Variants in SH3RF2 observed in about 807,000 individuals in gnomAD.
The protein encoded by SH3RF2 is SH3 domain containing ring finger 2.
SH3RF2 carries 43 observed loss-of-function variants against 59.0 expected under a neutral mutation model. The observed-to-expected ratio is 0.73, with a 90% CI of 0.57 to 0.94. The LOEUF (loss-of-function observed/expected upper bound fraction) is 0.94. SH3RF2 is among the 40% of genes least tolerant of loss of function. The pLI is 0.00. For synonymous variants in SH3RF2, 391 were observed against 391.5 expected, an observed-to-expected ratio of 1.00 and a Z score of 0.01; for missense variants, 930 against 940.1, an observed-to-expected ratio of 0.99 and a Z score of 0.14.
chr5:146,073,990 GT>G (rs1276474550), intron 9 of SH3RF2, among the ~76,000 whole-genome samples: 1 of 149,354 alleles, frequency 6.7e-6, no homozygotes, highest in East Asian at 2.0e-4. Context: ...AGCTCAACCT[GT>G]CCCCTGTCCA....
intron 2 of SH3RF2, among the ~76,000 whole-genome samples, chr5:145,992,822 A>G (rs574053944): frequency 6.6e-6 from 1 of 152,302 alleles, no homozygotes; most frequent in Non-Finnish European, 1.5e-5. Context: ...ACAGAGCCAA[A>G]TCATATCATT....
intron 9 of SH3RF2, among the ~76,000 whole-genome samples, chr5:146,075,638 C>G (rs1311047761): frequency 6.6e-6 from 1 of 151,934 alleles, no homozygotes; most frequent in Non-Finnish European, 1.5e-5. Context: ...TGGCAAAACC[C>G]CATCTCTACT....
intron 8 of SH3RF2, among the ~76,000 whole-genome samples, chr5:146,057,985 T>G (rs1762743255): frequency 7.0e-6 from 1 of 143,164 alleles, no homozygotes. Context: ...TCTATCTATC[T>G]ATATATATAT....
intron 2 of SH3RF2, among the ~76,000 whole-genome samples, chr5:145,947,817 G>A (rs116353869): frequency 0.017 from 2,663 of 152,304 alleles, 39 homozygotes; most frequent in African/African-American, 0.042. Context: ...CTCCAAAAGT[G>A]AGAGAGACAG....
intron 5 of SH3RF2, among the ~76,000 whole-genome samples, chr5:146,045,956 G>C (rs571148226): frequency 6.6e-6 from 1 of 152,096 alleles, no homozygotes; most frequent in South Asian, 2.1e-4. Context: ...AATGTATGAG[G>C]GTTTCCATTT....
Position 146,036,652 on chromosome 5 carries a change from G to A in SH3RF2, c.1060-11120G>A, listed in dbSNP as rs555377491. Among the ~76,000 whole-genome samples, 67 of 152,272 alleles carry A rather than the reference G, an allele frequency of 4.4e-4. 1 individual carries two copies. The South Asian group carries it at 0.012, about 27-fold the overall frequency. On this transcript the variant is annotated intron_variant, in intron 5 of 9. Coordinates refer to ENST00000359120, the MANE Select transcript of SH3RF2 (RefSeq NM_152550.4). ...AGAGGTTGCAGTGAGCCGAGATCAC[G>A]TCACTGCACTCCAGTCTGGGTGACA...
intron 2 of SH3RF2, among the ~76,000 whole-genome samples, chr5:145,954,751 G>T (rs1198483370): frequency 6.6e-6 from 1 of 152,116 alleles, no homozygotes; most frequent in East Asian, 1.9e-4. Flanking sequence ...GGTTCTGCAG[G>T]CTGTCCAGGC....
chr5:145,980,133 C>T (rs762954602), intron 2 of SH3RF2, among the ~76,000 whole-genome samples: 27 of 152,164 alleles, frequency 1.8e-4, no homozygotes, highest in Non-Finnish European at 2.9e-4. Flanking sequence ...CCAGAAGACA[C>T]ATACATTTTC....
intron 5 of SH3RF2, among the ~76,000 whole-genome samples, chr5:146,040,032 A>G (rs1762069907): frequency 6.6e-6 from 1 of 152,240 alleles, no homozygotes; most frequent in African/African-American, 2.4e-5. Flanking sequence ...ACAAAACTAA[A>G]CAACATACTG....
At chr5:145,952,999 A>G (rs1210095092) in intron 2 of SH3RF2, among the ~76,000 whole-genome samples, 6 of 152,196 alleles carry the variant, frequency 3.9e-5, no homozygotes, top group Admixed American at 3.3e-4. Flanking sequence ...CTAGAATCTC[A>G]ATAGAAGGCA....
In SH3RF2 at chr5:146,056,035, G is replaced by T. The variant is rs756431695; in HGVS notation, c.1377G>T (p.Thr459=). ...GCCCTGGTCTCTACACCACATGGAC[G>T]TTATCCACCTCCTCTGTGTCCTCCC... ...SRSPGLYTTW[T]LSTSSVSSQG... Residue 459 remains threonine, a synonymous_variant, in exon 8 of 10, where the codon ACG becomes ACT. Coordinates refer to ENST00000359120, the MANE Select transcript of SH3RF2 (RefSeq NM_152550.4). 2 of 1,614,192 alleles carry T rather than the reference G, an allele frequency of 1.2e-6. No individual in the cohort carries two copies. The highest frequency in any genetic ancestry group is 1.1e-5 in the South Asian group (1 of 91,078).
intron 9 of SH3RF2, among the ~76,000 whole-genome samples, chr5:146,068,650 A>G (rs1370323128): frequency 6.6e-6 from 1 of 152,134 alleles, no homozygotes; most frequent in African/African-American, 2.4e-5. Context: ...AAATAGAGCA[A>G]TGTTAAATGA....
At chr5:146,059,302 C>T (rs569890691) in intron 8 of SH3RF2, among the ~76,000 whole-genome samples, 6 of 151,938 alleles carry the variant, frequency 3.9e-5, no homozygotes, top group African/African-American at 1.5e-4. Context: ...CTCCCTGCAG[C>T]CCCCGACAAA....
intron 3 of SH3RF2, 50 bp downstream of exon 3, chr5:146,000,377 T>G: frequency 3.9e-6 from 6 of 1,529,288 alleles, no homozygotes; most frequent in Non-Finnish European, 5.2e-6. Context: ...GTAGAGACCA[T>G]AGCAGAACAG....
intron 9 of SH3RF2, among the ~76,000 whole-genome samples, chr5:146,070,996 T>A (rs1763222390): frequency 6.6e-6 from 1 of 152,224 alleles, no homozygotes; most frequent in African/African-American, 2.4e-5. Context: ...TGAGAGCCAT[T>A]TTTGATGTCA....
chr5:145,998,468 A>G (rs772159359), intron 2 of SH3RF2, among the ~76,000 whole-genome samples: 4 of 149,386 alleles, frequency 2.7e-5, no homozygotes, highest in Non-Finnish European at 4.4e-5. Flanking sequence ...TCCATTTCCT[A>G]GAGCTGGAAT....
intron 2 of SH3RF2, among the ~76,000 whole-genome samples, chr5:145,959,618 T>TGTGTGTGTGG (rs1491089125): frequency 9.6e-5 from 9 of 93,798 alleles, no homozygotes; most frequent in Non-Finnish European, 1.7e-4. Context: ...TATATATATG[T>TGTGTGTGTGG]GTGTGTGTGT....
rs79204027 is a variant in SH3RF2 at position 146,040,487 on chromosome 5, G to A, written c.1060-7285G>A. ...AAGAAAAGACCCCACTGAAGTTGAG[G>A]GGGAAGGGAATGGAGAAAGGTGAGG... is the stretch of plus-strand genomic sequence containing the variant. On this transcript the variant is annotated intron_variant, in intron 5 of 9. Transcript: ENST00000359120. 8.2e-3 allele frequency among the ~76,000 whole-genome samples: 1,250 copies of A among 152,242 alleles called. 4 individuals carry two copies. Among genetic ancestry groups the A allele is most frequent in the Middle Eastern group, 0.014 (4 of 294 alleles).
At chr5:146,077,013 G>T (rs950791361) in intron 9 of SH3RF2, among the ~76,000 whole-genome samples, 2 of 152,202 alleles carry the variant, frequency 1.3e-5, no homozygotes, top group Admixed American at 6.5e-5. Context: ...CTAGATGAAA[G>T]AAAATTGGAC....
Sources: gnomAD v4.1 joint callset for allele counts (sites outside exome capture counted in the v4.1 genomes callset) on GRCh38, gnomAD v4.1.1 for gene constraint, MANE v1.5 for transcripts, NCBI Gene and HGNC (gene_info 2026-07-23, HGNC 2026-07-21) for gene names.